The following ANO3 variants were observed in gnomAD, a reference collection of about 807,000 sequenced individuals.
The protein encoded by ANO3 is anoctamin 3.
ANO3 carries 99 observed loss-of-function variants against 144.8 expected under a neutral mutation model. That is an observed-to-expected ratio of 0.68 (90% CI 0.58 to 0.81). ANO3 has a LOEUF of 0.81. Ranked by LOEUF, ANO3 falls within the 30% of genes least tolerant of loss-of-function variation. The pLI, the probability that ANO3 is intolerant of heterozygous loss-of-function variation, is 0.00. For missense variants in ANO3, 905 were observed against 1,202.2 expected (o/e 0.75, Z 3.66); for synonymous variants, 414 against 392.6 (o/e 1.05, Z -0.64).
chr11:26,469,776 T>C (rs1859716490), intron 4 of ANO3, among the ~76,000 whole-genome samples: 1 of 151,960 alleles, frequency 6.6e-6, no homozygotes, highest in African/African-American at 2.4e-5. Flanking sequence ...CTAATATTCT[T>C]AATTCACACA....
chr11:26,559,682 T>C (rs1295302179), intron 13 of ANO3, 37 bp from the exon 14 acceptor site: 1 of 1,487,140 alleles, frequency 6.7e-7, no homozygotes, highest in East Asian at 2.3e-5. Context: ...TTATAATCAA[T>C]TTGCATGACT....
At chr11:26,434,151 G>A (rs1858213340) in intron 1 of ANO3, among the ~76,000 whole-genome samples, 2 of 152,102 alleles carry the variant, frequency 1.3e-5, no homozygotes, top group Non-Finnish European at 2.9e-5. Context: ...TCAGTCTTGG[G>A]AGGGTGTATG....
Position 26,332,284 on chromosome 11 carries a change from C to A in ANO3, c.9C>A (p.His3Gln). The A allele has an allele frequency of 6.2e-7, 1 of 1,613,956 alleles. No homozygotes were observed. The highest frequency in any genetic ancestry group is 2.2e-5 in the East Asian group (1 of 44,848). Residue 3 changes from histidine (H) to glutamine (Q), a missense_variant, in exon 1 of 27, where the codon CAC (histidine) becomes CAA (glutamine). His to Gln is a conservative substitution (Grantham distance 24, BLOSUM62 0). Around this residue, in one of 4 missense-constraint regions of ANO3, gnomAD observed 174 missense variants for 171.9 expected, o/e 1.01. Transcript: ENST00000256737. ...GGACGCGCAGAGTGAAAATGGTCCA[C>A]CATTCAGGCTCCATTCAGTCCTTTA... MVHHSGSIQSFKQ... is the reference protein window; with the variant it reads MVQHSGSIQSFKQ...
rs114211688 is a variant in ANO3, at chr11:26,288,261, T to C, written c.155-21384T>C. Among the ~76,000 whole-genome samples the C allele has an allele frequency of 1.9e-3, 286 of 152,298 alleles. 1 individual carries two copies. Among genetic ancestry groups the C allele is most frequent in the African/African-American group, 6.5e-3 (269 of 41,560 alleles). ...GGTGGAATCATCAGCCTGCTTTTAATTACTTGCTTTTAAGATAAAGAAGTG... is the reference window on the plus strand; with the variant it reads ...GGTGGAATCATCAGCCTGCTTTTAACTACTTGCTTTTAAGATAAAGAAGTG... On this transcript the variant is annotated intron_variant, in intron 1 of 27. Transcript: ENST00000672621.
At chr11:26,220,383 T>A (rs1448842982) in intron 1 of ANO3, among the ~76,000 whole-genome samples, 1 of 152,182 alleles carries the variant, frequency 6.6e-6, no homozygotes, top group Non-Finnish European at 1.5e-5. Context: ...TGCTAATGGA[T>A]TGAAGAAGGA....
chr11:26,349,631 C>G (rs1320671324), intron 1 of ANO3, among the ~76,000 whole-genome samples: 2 of 152,102 alleles, frequency 1.3e-5, no homozygotes, highest in African/African-American at 4.8e-5. Context: ...TCACTGCAAG[C>G]TCCGCCTCCC....
intron 1 of ANO3, among the ~76,000 whole-genome samples, chr11:26,236,380 A>G (rs1189608566): frequency 6.6e-6 from 1 of 152,126 alleles, no homozygotes; most frequent in Non-Finnish European, 1.5e-5. Context: ...ATTATACTAT[A>G]CTTCAAGCAA....
At chr11:26,285,517 G>C (rs989965345) in intron 1 of ANO3, among the ~76,000 whole-genome samples, 139 of 152,176 alleles carry the variant, frequency 9.1e-4, no homozygotes, top group East Asian at 3.9e-4. Flanking sequence ...TCTTATAAAG[G>C]AATACATTAT....
At chr11:26,353,654 C>T (rs1194039611) in intron 1 of ANO3, among the ~76,000 whole-genome samples, 3 of 152,140 alleles carry the variant, frequency 2.0e-5, no homozygotes, top group Non-Finnish European at 4.4e-5. Context: ...CTGCAAATTC[C>T]GACTGCCTGG....
chr11:26,451,028 T>C (rs1038538044), intron 3 of ANO3, among the ~76,000 whole-genome samples: 2 of 152,202 alleles, frequency 1.3e-5, no homozygotes, highest in Non-Finnish European at 2.9e-5. Context: ...AGACAGTGCA[T>C]TCCCACTTGA....
At chr11:26,253,223 A>G (rs1223192183) in intron 1 of ANO3, among the ~76,000 whole-genome samples, 5 of 152,154 alleles carry the variant, frequency 3.3e-5, no homozygotes, top group East Asian at 1.9e-4. Context: ...GTGCTAAAAT[A>G]TGAAAAGAAT....
At chr11:26,215,473 G>T (rs1174732551) in intron 1 of ANO3, among the ~76,000 whole-genome samples, 1 of 151,610 alleles carries the variant, frequency 6.6e-6, no homozygotes, top group Non-Finnish European at 1.5e-5. Flanking sequence ...CCCCCTATTG[G>T]GACATTCCTT....
chr11:26,396,718 C>T (rs1026439155), intron 1 of ANO3, among the ~76,000 whole-genome samples: 1 of 151,782 alleles, frequency 6.6e-6, no homozygotes, highest in Non-Finnish European at 1.5e-5. Context: ...CACATGTTGT[C>T]ACTTATAAGT....
chr11:26,564,279 TA>T, intron 14 of ANO3, among the ~76,000 whole-genome samples: 1 of 151,764 alleles, frequency 6.6e-6, no homozygotes, highest in East Asian at 1.9e-4. Context: ...AGTGGTATTA[TA>T]AAAAGCCTAT....
At chr11:26,304,296 G>T (rs983745861) in intron 1 of ANO3, among the ~76,000 whole-genome samples, 1 of 152,012 alleles carries the variant, frequency 6.6e-6, no homozygotes, top group African/African-American at 2.4e-5. Context: ...AATGGCAAAT[G>T]TAGATTGTCC....
At chr11:26,355,075 G>C (rs1855744685) in intron 1 of ANO3, among the ~76,000 whole-genome samples, 1 of 150,820 alleles carries the variant, frequency 6.6e-6, no homozygotes, top group African/African-American at 2.4e-5. Context: ...CTCCAGTGAA[G>C]AGTTTTTAGC....
At chr11:26,468,003 TGGAGAACAC>T (rs1859660004) in intron 4 of ANO3, among the ~76,000 whole-genome samples, 1 of 151,890 alleles carries the variant, frequency 6.6e-6, no homozygotes, top group Admixed American at 6.6e-5. Context: ...TTCATGAATA[TGGAGAACAC>T]TGAGAACAAC....
intron 1 of ANO3, among the ~76,000 whole-genome samples, chr11:26,439,605 G>T (rs151043662): frequency 6.6e-6 from 1 of 152,144 alleles, no homozygotes; most frequent in South Asian, 2.1e-4. Flanking sequence ...TAAAGGAATC[G>T]ATTTTATGGT....
intron 1 of ANO3, among the ~76,000 whole-genome samples, chr11:26,239,665 C>T (rs1184358967): frequency 6.6e-6 from 1 of 152,204 alleles, no homozygotes; most frequent in African/African-American, 2.4e-5. Flanking sequence ...AACACCTTGT[C>T]CTCCTACCTT....
Sources: gnomAD v4.1 joint callset for allele counts (sites outside exome capture counted in the v4.1 genomes callset) on GRCh38, gnomAD v4.1.1 for gene constraint, gnomAD v4.1.1 regional missense constraint, MANE v1.5 for transcripts, NCBI Gene and HGNC (gene_info 2026-07-23, HGNC 2026-07-21) for gene names.